The following CYTH3 variants were observed in gnomAD, a reference collection of about 807,000 sequenced individuals.
CYTH3 encodes cytohesin 3.
In CYTH3, 23 loss-of-function variants were observed where a neutral mutation model predicts 55.1. The observed-to-expected ratio is 0.42, with a 90% confidence interval of 0.30 to 0.59. CYTH3 has a LOEUF of 0.59. Ranked by LOEUF, CYTH3 falls within the 20% of genes least tolerant of loss-of-function variation. The pLI, the probability that CYTH3 is intolerant of heterozygous loss-of-function variation, is 0.20. For missense variants in CYTH3, 413 were observed against 524.8 expected, an observed-to-expected ratio of 0.79 and a Z score of 2.08; for synonymous variants, 249 against 194.9, an observed-to-expected ratio of 1.28 and a Z score of -2.31.
intron 6 of CYTH3, chr7:6,173,098 C>A (rs1271959556): frequency 9.8e-7 from 1 of 1,015,506 alleles, no homozygotes; most frequent in Non-Finnish European, 1.2e-6. Flanking sequence ...AGGCCCAGAA[C>A]AGATGAAGAG....
chr7:6,219,162 G>A (rs1012531342), intron 1 of CYTH3, among the ~76,000 whole-genome samples: 1 of 136,542 alleles, frequency 7.3e-6, no homozygotes, highest in African/African-American at 2.5e-5. Flanking sequence ...AGGACTCAAA[G>A]AAATGAGCCA....
At chr7:6,272,143 A>T (rs1410518189) in intron 1 of CYTH3, among the ~76,000 whole-genome samples, 1 of 152,162 alleles carries the variant, frequency 6.6e-6, no homozygotes, top group Admixed American at 6.5e-5. Context: ...GATGCGGGGA[A>T]GGTCGCCCCG....
chr7:6,179,536 A>C (rs532445535), intron 4 of CYTH3, among the ~76,000 whole-genome samples: 4 of 151,968 alleles, frequency 2.6e-5, no homozygotes, highest in African/African-American at 9.7e-5. Flanking sequence ...ATCAATTCTC[A>C]TATGTATCTG....
chr7:6,255,758 G>GCTTTTTTTTT (rs1780084704), intron 1 of CYTH3, among the ~76,000 whole-genome samples: 1 of 89,404 alleles, frequency 1.1e-5, no homozygotes, highest in Admixed American at 1.3e-4. Flanking sequence ...CCTTTAATCT[G>GCTTTTTTTTT]TTTTTTTTTT....
chr7:6,171,763 G>T lies in CYTH3; in HGVS notation c.450-449C>A, dbSNP rs570479098. ...ATCCAAAGCCCCACCTACAGCACTG[G>T]GCGCTGCGGTCAGAAGCTGCTGCTG... On this transcript the variant is annotated intron_variant, in intron 6 of 12. Coordinates refer to ENST00000350796, the MANE Select transcript of CYTH3 (RefSeq NM_004227.4). This position sits in a 1 kb window ranked among gnomAD's most constrained non-coding sequence, Gnocchi z 6.7. 5.8e-6 allele frequency: 1 copy of T among 171,792 alleles called. No homozygotes were observed. The highest frequency in any genetic ancestry group is 1.4e-4 in the South Asian group (1 of 7,188). 10.6% of individuals were successfully genotyped at this position (171,792 alleles called of 1,614,324 possible).
chr7:6,259,832 A>AATATATATATAATATATAT (rs1562418350), intron 1 of CYTH3, among the ~76,000 whole-genome samples: 1 of 17,568 alleles, frequency 5.7e-5, no homozygotes, highest in Non-Finnish European at 8.3e-5. Flanking sequence ...ATATATATAT[A>AATATATATATAATATATAT]TTTTTTTTTT....
intron 12 of CYTH3, 94 bp downstream of exon 12, chr7:6,165,179 C>T: frequency 6.4e-7 from 1 of 1,561,350 alleles, no homozygotes; most frequent in Non-Finnish European, 8.7e-7. Context: ...AAGGTCCACT[C>T]TTGCACACGG....
rs1291154500 is a variant in CYTH3, at chr7:6,162,665, G to C, written c.*2279C>G. On this transcript the variant is annotated 3_prime_UTR_variant, in exon 13 of 13. Transcript: ENST00000350796. ...TTCCTTTGACCACAAAGTACCTGGA[G>C]TCTAACTCAGCACCACAGCCTCTGC... 2 of 152,400 alleles carry C rather than the reference G, an allele frequency of 1.3e-5. No individual in the cohort carries two copies. The highest frequency in any genetic ancestry group is 4.1e-4 in the South Asian group (2 of 4,836). The allele number at this position is 152,400 out of a possible 1,614,324, so 9.4% of individuals were successfully genotyped here.
intron 4 of CYTH3, among the ~76,000 whole-genome samples, chr7:6,181,383 G>A (rs1432937228): frequency 2.0e-5 from 3 of 152,148 alleles, no homozygotes; most frequent in Non-Finnish European, 2.9e-5. Flanking sequence ...CTTCTCTTGT[G>A]AGTGACAGGA....
In CYTH3 at chr7:6,167,902, C is replaced by T. The variant is rs749280016; in HGVS notation, c.824-2092G>A. Among the ~76,000 whole-genome samples the T allele has an allele frequency of 1.3e-5, 2 of 152,264 alleles. No individual in the cohort carries two copies. The highest frequency in any genetic ancestry group is 2.4e-5 in the African/African-American group (1 of 41,474). ...CTCCACCTTGGGTCCCCCGCTCACA[C>T]CTCCCATGCAGAGCCCCATCCCTGT... On this transcript the variant is annotated intron_variant, in intron 9 of 12. Transcript: ENST00000350796. This position sits in a 1 kb window ranked among gnomAD's most constrained non-coding sequence, Gnocchi z 5.5.
Position 6,162,395 on chromosome 7 carries a change from A to G in CYTH3, c.*2549T>C, listed in dbSNP as rs1285574655. 6.6e-6 allele frequency: 1 copy of G among 152,248 alleles called. No homozygotes were observed. The highest frequency in any genetic ancestry group is 2.4e-5 in the African/African-American group (1 of 41,448). 9.4% of individuals were successfully genotyped at this position (152,248 alleles called of 1,614,324 possible). On this transcript the variant is annotated 3_prime_UTR_variant, in exon 13 of 13. Transcript: ENST00000350796. The stretch of plus-strand genomic sequence containing the variant: ...ATCTTTGGCCAGAGTTGGGACTAAC[A>G]ATTCAAGCCCTGCGCTCAGACGTCA...
chr7:6,258,139 C>CT (rs111686763), intron 1 of CYTH3, among the ~76,000 whole-genome samples: 395 of 151,754 alleles, frequency 2.6e-3, no homozygotes, highest in African/African-American at 9.0e-3. Context: ...CTTTGGTTTG[C>CT]TTTTTCTTTT....
intron 6 of CYTH3, among the ~76,000 whole-genome samples, chr7:6,173,369 G>A (rs1028086636): frequency 2.6e-5 from 4 of 152,152 alleles, no homozygotes; most frequent in Non-Finnish European, 5.9e-5. Context: ...CAAGGCACTC[G>A]ACTACTGCCA....
chr7:6,202,979 CCAGA>C (rs1475747862), intron 1 of CYTH3, among the ~76,000 whole-genome samples: 6 of 152,004 alleles, frequency 3.9e-5, no homozygotes, highest in Non-Finnish European at 5.9e-5. Context: ...AAGTGACATA[CCAGA>C]CAAATTCTTA....
rs551824615 is a variant in CYTH3, at chr7:6,163,949, C to T, written c.*995G>A. ...GCCATGTGTGTGCATCTAAACAAAA[C>T]ATCAGCAGTTTCACGTGGCTCAGCG... On this transcript the variant is annotated 3_prime_UTR_variant, in exon 13 of 13. Transcript: ENST00000350796. 3 of 152,362 alleles carry T rather than the reference C, an allele frequency of 2.0e-5. No individual in the cohort carries two copies. Among genetic ancestry groups the T allele is most frequent in the African/African-American group, 4.8e-5 (2 of 41,576 alleles). The allele number at this position is 152,362 out of a possible 1,614,324, so 9.4% of individuals were successfully genotyped here. A position where few individuals can be genotyped will look rare whatever the true frequency, so the allele number is the denominator to read the frequency against.
At chr7:6,261,896 GA>G in intron 1 of CYTH3, among the ~76,000 whole-genome samples, 3 of 152,092 alleles carry the variant, frequency 2.0e-5, no homozygotes, top group Admixed American at 2.0e-4. Flanking sequence ...ACAGACAACA[GA>G]ACACACTTAC....
At chr7:6,218,529 G>A (rs1296763250) in intron 1 of CYTH3, among the ~76,000 whole-genome samples, 1 of 152,220 alleles carries the variant, frequency 6.6e-6, no homozygotes, top group Non-Finnish European at 1.5e-5. Flanking sequence ...GGCACAAAAT[G>A]TGTGGTAACT....
At chr7:6,199,002 T>C (rs1007006886) in intron 1 of CYTH3, among the ~76,000 whole-genome samples, 2 of 152,220 alleles carry the variant, frequency 1.3e-5, no homozygotes, top group Admixed American at 1.3e-4. Context: ...GTGCAGCACA[T>C]ACGGTTTCAA....
At chr7:6,223,972 C>T (rs1409122397) in intron 1 of CYTH3, among the ~76,000 whole-genome samples, 1 of 150,708 alleles carries the variant, frequency 6.6e-6, no homozygotes. Context: ...GATGCTAATA[C>T]TGTCTTTTCT....
Sources: gnomAD v4.1 joint callset for allele counts (sites outside exome capture counted in the v4.1 genomes callset) on GRCh38, gnomAD v4.1.1 for gene constraint, Gnocchi (gnomAD v3.1) non-coding constraint, MANE v1.5 for transcripts, NCBI Gene and HGNC (gene_info 2026-07-23, HGNC 2026-07-21) for gene names.